Variants in GRID2 observed in about 807,000 individuals in gnomAD.
The protein encoded by GRID2 is glutamate ionotropic receptor delta type subunit 2, also known as glutamate receptor ionotropic, delta-2.
In GRID2, 33 loss-of-function variants were observed where a neutral mutation model predicts 114.8. That is an observed-to-expected ratio of 0.29 (90% confidence interval 0.22 to 0.38). The LOEUF (loss-of-function observed/expected upper bound fraction) is 0.38. GRID2 is among the 10% of genes least tolerant of loss of function. The pLI, the probability that GRID2 is intolerant of heterozygous loss-of-function variation, is 1.00. For synonymous variants in GRID2, 505 were observed against 449.9 expected, an observed-to-expected ratio of 1.12 and a Z score of -1.55; for missense variants, 1,184 against 1,257.7, an observed-to-expected ratio of 0.94 and a Z score of 0.89.
intron 9 of GRID2, among the ~76,000 whole-genome samples, chr4:93,403,426 A>C (rs141229029): frequency 1.3e-5 from 2 of 152,148 alleles, no homozygotes; most frequent in Non-Finnish European, 2.9e-5. Flanking sequence ...ACAAAAAACA[A>C]CACTAACAAA....
chr4:93,791,064 T>C (rs1734684486), intron 1 of GRID2, among the ~76,000 whole-genome samples: 1 of 152,192 alleles, frequency 6.6e-6, no homozygotes, highest in Non-Finnish European at 1.5e-5. Context: ...TGCAAGAGTG[T>C]AAAATACAAT....
chr4:92,684,359 T>A (rs553518269), intron 2 of GRID2, among the ~76,000 whole-genome samples: 1 of 152,118 alleles, frequency 6.6e-6, no homozygotes, highest in African/African-American at 2.4e-5. Flanking sequence ...AACATAATTT[T>A]ACTATAATGG....
At chr4:92,753,921 A>G (rs1737581893) in intron 2 of GRID2, among the ~76,000 whole-genome samples, 1 of 152,232 alleles carries the variant, frequency 6.6e-6, no homozygotes, top group Non-Finnish European at 1.5e-5. Context: ...TTATCAAATT[A>G]GAATTAGAAA....
At chr4:92,857,413 G>A (rs1027636025) in intron 2 of GRID2, among the ~76,000 whole-genome samples, 5 of 152,276 alleles carry the variant, frequency 3.3e-5, no homozygotes, top group African/African-American at 4.8e-5. Flanking sequence ...TTACTCCAGT[G>A]AACCCATGGA....
At chr4:93,310,754 G>C (rs1755926374) in intron 8 of GRID2, among the ~76,000 whole-genome samples, 1 of 152,160 alleles carries the variant, frequency 6.6e-6, no homozygotes, top group Non-Finnish European at 1.5e-5. Flanking sequence ...TCAGAAATGA[G>C]ATTTTATTAA....
rs146921426 is a variant in GRID2, at chr4:93,792,813, G to T, written c.222-13902G>T. 7.7e-4 allele frequency among the ~76,000 whole-genome samples: 118 copies of T among 152,262 alleles called. 3 individuals carry two copies. The highest frequency in any genetic ancestry group is 6.8e-3 in the Middle Eastern group (2 of 294). On this transcript the variant is annotated intron_variant, in intron 1 of 1. Transcript: ENST00000637838. Reference sequence around the variant, plus strand: ...CCATGGTGAAACCTCAGTCTCACCCGGGTTGTTCTGATTGATGATGGAGGG... The same window carrying T: ...CCATGGTGAAACCTCAGTCTCACCCTGGTTGTTCTGATTGATGATGGAGGG...
chr4:92,902,833 C>G (rs1747677633), intron 2 of GRID2, among the ~76,000 whole-genome samples: 1 of 151,750 alleles, frequency 6.6e-6, no homozygotes, highest in African/African-American at 2.4e-5. Flanking sequence ...ATTCTCTGTT[C>G]TAGTGATCTA....
At chr4:93,657,965 G>A (rs1363758623) in intron 14 of GRID2, among the ~76,000 whole-genome samples, 1 of 152,186 alleles carries the variant, frequency 6.6e-6, no homozygotes, top group African/African-American at 2.4e-5. Context: ...GACCTGGATC[G>A]TTTTCAGAAT....
At chr4:93,472,745 A>T (rs1724964555) in intron 11 of GRID2, among the ~76,000 whole-genome samples, 1 of 152,172 alleles carries the variant, frequency 6.6e-6, no homozygotes, top group Non-Finnish European at 1.5e-5. Flanking sequence ...CAGAAGATAG[A>T]TATTCATTAA....
At chr4:92,600,870 G>C (rs776559751) in intron 2 of GRID2, among the ~76,000 whole-genome samples, 7 of 152,232 alleles carry the variant, frequency 4.6e-5, no homozygotes, top group Non-Finnish European at 8.8e-5. Flanking sequence ...GGAGGCATAA[G>C]ATGCAGGACC....
chr4:93,348,940 AG>A (rs1305585227), intron 8 of GRID2, among the ~76,000 whole-genome samples: 7 of 152,216 alleles, frequency 4.6e-5, no homozygotes, highest in African/African-American at 7.2e-5. Flanking sequence ...AGACCCAGGC[AG>A]GGCCTGCCTT....
intron 2 of GRID2, among the ~76,000 whole-genome samples, chr4:93,042,251 C>T (rs1431576924): frequency 1.1e-5 from 1 of 90,954 alleles, no homozygotes; most frequent in African/African-American, 4.7e-5. Context: ...TTTTAAATCT[C>T]TCTCTCTCTC....
intron 9 of GRID2, among the ~76,000 whole-genome samples, chr4:93,420,629 A>G (rs1768161638): frequency 6.6e-6 from 1 of 152,120 alleles, no homozygotes; most frequent in Non-Finnish European, 1.5e-5. Context: ...TACTGATCTA[A>G]TGATCTTCAA....
intron 8 of GRID2, among the ~76,000 whole-genome samples, chr4:93,290,087 C>T (rs1014529501): frequency 1.3e-5 from 2 of 152,112 alleles, no homozygotes; most frequent in Non-Finnish European, 2.9e-5. Context: ...AAAGAATATA[C>T]CATGTAAGCC....
intron 2 of GRID2, among the ~76,000 whole-genome samples, chr4:92,640,414 G>A (rs1300511343): frequency 6.6e-6 from 1 of 151,716 alleles, no homozygotes; most frequent in Non-Finnish European, 1.5e-5. Context: ...GTTCCACTGA[G>A]CAAACTATTA....
chr4:92,434,818 G>A (rs1732651163), intron 1 of GRID2, among the ~76,000 whole-genome samples: 1 of 152,040 alleles, frequency 6.6e-6, no homozygotes, highest in South Asian at 2.1e-4. Context: ...GAAGTCAACT[G>A]TATTTCCTAC....
intron 2 of GRID2, among the ~76,000 whole-genome samples, chr4:92,690,070 AT>A (rs541316727): frequency 1.5e-3 from 232 of 152,120 alleles, no homozygotes; most frequent in Non-Finnish European, 2.8e-3. Flanking sequence ...CCTTAAAAAA[AT>A]TTTTTTAAGC....
At chr4:93,205,765 G>T (rs1742677584) in intron 4 of GRID2, among the ~76,000 whole-genome samples, 1 of 151,916 alleles carries the variant, frequency 6.6e-6, no homozygotes, top group African/African-American at 2.4e-5. Context: ...CTAGTTGACA[G>T]TCCCACCAAC....
intron 2 of GRID2, among the ~76,000 whole-genome samples, chr4:92,638,701 C>A (rs1261538873): frequency 6.7e-6 from 1 of 149,730 alleles, no homozygotes; most frequent in Non-Finnish European, 1.5e-5. Context: ...GATGAGAACT[C>A]TTGTAAATAA....
Sources: allele counts gnomAD v4.1 joint callset (sites outside exome capture counted in the v4.1 genomes callset), GRCh38; gene constraint gnomAD v4.1.1; transcripts MANE v1.5; gene names NCBI Gene and HGNC (gene_info 2026-07-23, HGNC 2026-07-21).